CALCRL: variants seen among roughly 807,000 people sequenced by gnomAD.
The protein encoded by CALCRL is calcitonin receptor like receptor, also known as calcitonin gene-related peptide type 1 receptor.
CALCRL carries 27 observed loss-of-function variants against 60.4 expected under a neutral mutation model. The ratio of observed to expected loss-of-function variants is 0.45; its 90% CI spans 0.33 to 0.62. The LOEUF is 0.62. Ranked by LOEUF, CALCRL falls within the 20% of genes least tolerant of loss-of-function variation. The pLI is 0.03. For missense variants in CALCRL, 424 were observed against 540.7 expected (o/e 0.78, Z 2.14); for synonymous variants, 190 against 182.6 (o/e 1.04, Z -0.33).
intron 1 of CALCRL, among the ~76,000 whole-genome samples, chr2:187,394,056 A>G (rs1688563954): frequency 6.6e-6 from 1 of 152,104 alleles, no homozygotes; most frequent in Non-Finnish European, 1.5e-5. Flanking sequence ...CAAATAATAA[A>G]TTGAGCTCTT....
chr2:187,379,066 A>T, intron 7 of CALCRL, 35 bp from the exon 8 acceptor site: 1 of 1,061,290 alleles, frequency 9.4e-7, no homozygotes. Flanking sequence ...TTTGGTTCAT[A>T]TCAATACTAT....
At chr2:187,407,712 A>C (rs764118501) in intron 1 of CALCRL, among the ~76,000 whole-genome samples, 1 of 152,082 alleles carries the variant, frequency 6.6e-6, no homozygotes, top group Non-Finnish European at 1.5e-5. Flanking sequence ...AAATATACAA[A>C]GCATTGACAC....
At chr2:187,439,206 G>A (rs1471778369) in intron 1 of CALCRL, among the ~76,000 whole-genome samples, 2 of 152,078 alleles carry the variant, frequency 1.3e-5, no homozygotes, top group Non-Finnish European at 2.9e-5. Context: ...AGCAAGGTTG[G>A]GTGCAGTGGC....
intron 14 of CALCRL, 90 bp downstream of exon 14, chr2:187,351,830 G>A (rs529106806): frequency 1.3e-6 from 1 of 797,500 alleles, no homozygotes; most frequent in Non-Finnish European, 2.0e-6. Context: ...TGTTCCTGGG[G>A]AATTTATAAT....
chr2:187,342,177 C>T lies in CALCRL; in HGVS notation c.*4007G>A, dbSNP rs1388771663. 6.6e-6 allele frequency among the ~76,000 whole-genome samples: 1 copy of T among 151,548 alleles called. No homozygotes were observed. The highest frequency in any genetic ancestry group is 1.5e-5 in the Non-Finnish European group (1 of 67,722). ...TATATGATTACAATCATATGAAAGT[C>T]TAGAATAGGGAAATCTGTTGAGACA... On this transcript the variant is annotated 3_prime_UTR_variant, in exon 15 of 15. Transcript: ENST00000392370.
chr2:187,432,435 A>G (rs920354132), intron 1 of CALCRL, among the ~76,000 whole-genome samples: 1 of 152,060 alleles, frequency 6.6e-6, no homozygotes, highest in African/African-American at 2.4e-5. Flanking sequence ...TTTCTACTAT[A>G]CCCAACAATA....
chr2:187,349,481 T>C (rs1348866917), intron 14 of CALCRL, among the ~76,000 whole-genome samples: 2 of 151,794 alleles, frequency 1.3e-5, no homozygotes, highest in Non-Finnish European at 3.0e-5. Context: ...CAGTTGTTTC[T>C]TCATGTTATG....
chr2:187,359,305 G>T, intron 10 of CALCRL, 33 bp from the exon 11 acceptor site: 3 of 1,424,040 alleles, frequency 2.1e-6, no homozygotes, highest in Non-Finnish European at 1.9e-6. Context: ...AAATAAATAG[G>T]CATTTTTTCT....
intron 1 of CALCRL, chr2:187,442,103 T>TAC (rs1690941546): frequency 1.2e-5 from 1 of 82,464 alleles, no homozygotes; most frequent in Non-Finnish European, 2.3e-5. Flanking sequence ...TATATATATA[T>TAC]ATACATACAC....
At chr2:187,378,520 A>G (rs1574249046) in intron 8 of CALCRL, among the ~76,000 whole-genome samples, 1 of 152,146 alleles carries the variant, frequency 6.6e-6, no homozygotes, top group Admixed American at 6.5e-5. Flanking sequence ...TTTAGATTAT[A>G]TTTTTGATGA....
At chr2:187,431,243 G>A (rs956144301) in intron 1 of CALCRL, 1 of 154,734 alleles carries the variant, frequency 6.5e-6, no homozygotes, top group Non-Finnish European at 1.5e-5. Context: ...TACTGGAAAT[G>A]CAACATGTTA....
chr2:187,392,094 TTTC>T (rs1688471571), intron 1 of CALCRL, among the ~76,000 whole-genome samples: 1 of 152,152 alleles, frequency 6.6e-6, no homozygotes, highest in South Asian at 2.1e-4. Flanking sequence ...TGCAAGCCTA[TTTC>T]TTATTTTCTA....
At chr2:187,346,484 G>A in intron 14 of CALCRL, 85 bp from the exon 15 acceptor site, 3 of 881,950 alleles carry the variant, frequency 3.4e-6, no homozygotes, top group Non-Finnish European at 3.4e-6. Flanking sequence ...AATTAAATAG[G>A]TCTTGGAGAA....
chr2:187,408,778 T>G (rs1689237960), intron 1 of CALCRL, among the ~76,000 whole-genome samples: 1 of 152,110 alleles, frequency 6.6e-6, no homozygotes, highest in Admixed American at 6.6e-5. Flanking sequence ...TGGAGATAAT[T>G]ATATTCCAGC....
chr2:187,381,358 TAAAG>T (rs756639144), intron 5 of CALCRL, among the ~76,000 whole-genome samples: 6 of 152,154 alleles, frequency 3.9e-5, no homozygotes, highest in African/African-American at 7.2e-5. Context: ...CAAAATTAAA[TAAAG>T]AACTTCTTAC....
chr2:187,383,273 A>C lies in CALCRL; in HGVS notation c.84T>G (p.Pro28=). 1 of 1,610,618 alleles carries C rather than the reference A, an allele frequency of 6.2e-7. No homozygotes were observed. The highest frequency in any genetic ancestry group is 8.5e-7 in the Non-Finnish European group (1 of 1,178,614). The change falls in exon 5 of 15, where the codon CCT becomes CCG. Residue 28 remains proline (P), a synonymous_variant. Coordinates refer to ENST00000392370, the MANE Select transcript of CALCRL (RefSeq NM_005795.6). ...TAACTCCCAACTGAATTGAGTCCTCAGGACTCTCTTCTAATTCTGCTGTAA... is the reference window on the plus strand; with the variant it reads ...TAACTCCCAACTGAATTGAGTCCTCCGGACTCTCTTCTAATTCTGCTGTAA... The part of the protein sequence containing the change: ...ILVTAELEES[P]EDSIQLGVTR...
Position 187,369,932 on chromosome 2 carries a change from G to A in CALCRL, c.501-6430C>T, listed in dbSNP as rs565446822. The stretch of plus-strand genomic sequence containing the variant: ...TCTGAGGGGCAAGAACAGGCCATGT[G>A]ACAGAGTACAAGGTAAACGTCCACC... On this transcript the variant is annotated intron_variant, in intron 8 of 14. Coordinates refer to ENST00000392370, the MANE Select transcript of CALCRL (RefSeq NM_005795.6). Among the ~76,000 whole-genome samples the A allele has an allele frequency of 1.3e-3, 193 of 152,280 alleles. 1 individual carries two copies. Among genetic ancestry groups the A allele is most frequent in the African/African-American group, 4.1e-3 (169 of 41,560 alleles).
chr2:187,394,565 C>T (rs756838431), intron 1 of CALCRL, among the ~76,000 whole-genome samples: 1 of 152,042 alleles, frequency 6.6e-6, no homozygotes. Context: ...AGTCATTCCT[C>T]TTAACCTTAA....
chr2:187,377,161 A>G (rs776424370), intron 8 of CALCRL, among the ~76,000 whole-genome samples: 9 of 152,156 alleles, frequency 5.9e-5, no homozygotes, highest in Non-Finnish European at 1.2e-4. Flanking sequence ...ATTTTAAAGC[A>G]AAGAATGGCA....
Sources: gnomAD v4.1 joint callset for allele counts (sites outside exome capture counted in the v4.1 genomes callset) on GRCh38, gnomAD v4.1.1 for gene constraint, MANE v1.5 for transcripts, NCBI Gene and HGNC (gene_info 2026-07-23, HGNC 2026-07-21) for gene names.